RPS6KA5: variants seen among roughly 807,000 people sequenced by gnomAD.
RPS6KA5 encodes ribosomal protein S6 kinase A5.
In RPS6KA5, 27 loss-of-function variants were observed where a neutral mutation model predicts 85.5. The observed-to-expected ratio is 0.32, with a 90% CI of 0.23 to 0.44. The LOEUF (loss-of-function observed/expected upper bound fraction) is 0.44. RPS6KA5 is among the 20% of genes least tolerant of loss of function. RPS6KA5 has a pLI of 1.00. For synonymous variants in RPS6KA5, 334 were observed against 348.2 expected (o/e 0.96, Z 0.46); for missense variants, 811 against 980.9 (o/e 0.83, Z 2.31).
At chr14:90,882,516 G>A (rs2033906521) in intron 14 of RPS6KA5, among the ~76,000 whole-genome samples, 1 of 152,024 alleles carries the variant, frequency 6.6e-6, no homozygotes. Flanking sequence ...GTCCTTTCTT[G>A]TCAGCCTGCA....
At chr14:90,966,190 G>C (rs923091534) in intron 3 of RPS6KA5, among the ~76,000 whole-genome samples, 3 of 152,340 alleles carry the variant, frequency 2.0e-5, no homozygotes, top group African/African-American at 7.2e-5. Context: ...CTACAGAATT[G>C]AGGGAAGTGG....
chr14:90,931,603 T>C (rs1406878584), intron 5 of RPS6KA5, among the ~76,000 whole-genome samples: 2 of 152,118 alleles, frequency 1.3e-5, no homozygotes, highest in Admixed American at 6.5e-5. Context: ...TATTAAAATG[T>C]TAAATGGCAA....
Position 90,885,295 on chromosome 14 carries a change from G to A in RPS6KA5, c.1836+5192C>T, listed in dbSNP as rs559342562. ...GTGCTGGGCACGGTGGCTCACACCT[G>A]TAATCCCAGCACTTTGGGAGGCTGA... On this transcript the variant is annotated intron_variant, in intron 14 of 16. Coordinates refer to ENST00000614987, the MANE Select transcript of RPS6KA5 (RefSeq NM_004755.4). Among the ~76,000 whole-genome samples the A allele has an allele frequency of 5.3e-4, 79 of 150,118 alleles. 1 individual carries two copies. Among genetic ancestry groups the A allele is most frequent in the Middle Eastern group, 3.4e-3 (1 of 290 alleles).
At chr14:90,926,664 A>AGTGTGTGT (rs59637202) in intron 5 of RPS6KA5, among the ~76,000 whole-genome samples, 2,169 of 143,290 alleles carry the variant, frequency 0.015, 45 homozygotes, top group African/African-American at 0.048. Flanking sequence ...TATATATTTA[A>AGTGTGTGT]GTGTGTGTGT....
Position 90,974,108 on chromosome 14 carries a change from A to T in RPS6KA5, c.394+4198T>A, listed in dbSNP as rs75618586. On this transcript the variant is annotated intron_variant, in intron 3 of 16. Coordinates refer to ENST00000614987, the MANE Select transcript of RPS6KA5 (RefSeq NM_004755.4). ...TATTTTCACTTCTAGGAGAAAAAATATAACCTTATGATGAAGGGATCAGGC... is the reference window on the plus strand; with the variant it reads ...TATTTTCACTTCTAGGAGAAAAAATTTAACCTTATGATGAAGGGATCAGGC... Among the ~76,000 whole-genome samples, 600 of 152,126 alleles carry T rather than the reference A, an allele frequency of 3.9e-3. 3 individuals are homozygous for T. Among genetic ancestry groups the T allele is most frequent in the African/African-American group, 0.014 (568 of 41,506 alleles).
At chr14:91,053,974 T>C (rs2043201190) in intron 1 of RPS6KA5, among the ~76,000 whole-genome samples, 1 of 152,250 alleles carries the variant, frequency 6.6e-6, no homozygotes, top group Non-Finnish European at 1.5e-5. Context: ...AGCATGGTAC[T>C]GCTATAAGGA....
At chr14:90,959,447 CA>C (rs750456253) in intron 3 of RPS6KA5, among the ~76,000 whole-genome samples, 2 of 152,122 alleles carry the variant, frequency 1.3e-5, no homozygotes, top group Non-Finnish European at 2.9e-5. Context: ...GGTAATAATG[CA>C]AGAGATGACT....
rs1342976842 is a variant in RPS6KA5 at position 90,854,494 on chromosome 14, C to A, written c.*17580G>T. The A allele has an allele frequency of 6.6e-6, 1 of 152,048 alleles. No individual in the cohort carries two copies. Among genetic ancestry groups the A allele is most frequent in the Non-Finnish European group, 1.5e-5 (1 of 67,996 alleles). 9.4% of individuals were successfully genotyped at this position (152,048 alleles called of 1,614,324 possible). The stretch of plus-strand genomic sequence containing the variant: ...GAATTTTTAAAGACTTGCGATTTTG[C>A]TAAATGTATCATCATTAGAAAAAGT... On this transcript the variant is annotated 3_prime_UTR_variant, in exon 17 of 17. Transcript: ENST00000614987.
intron 2 of RPS6KA5, among the ~76,000 whole-genome samples, chr14:91,000,834 C>T (rs151268870): frequency 3.9e-4 from 59 of 152,180 alleles, no homozygotes; most frequent in African/African-American, 1.3e-3. Flanking sequence ...ATATTGTGTC[C>T]TGTGTAAAGG....
chr14:91,015,832 T>C (rs1165214248), intron 1 of RPS6KA5, among the ~76,000 whole-genome samples: 2 of 152,226 alleles, frequency 1.3e-5, no homozygotes, highest in East Asian at 1.9e-4. Context: ...TTTAAAAAAA[T>C]GTTAACTCAG....
rs138714446 is a variant in RPS6KA5, at chr14:91,014,372, T to A, written c.104-13213A>T. Among the ~76,000 whole-genome samples, 294 of 151,466 alleles carry A rather than the reference T, an allele frequency of 1.9e-3. 1 individual carries two copies. The highest frequency in any genetic ancestry group is 6.7e-3 in the African/African-American group (276 of 41,282). The stretch of plus-strand genomic sequence containing the variant: ...CAAAAATTAGCTGGGCATGGTGGCG[T>A]GCACCTGTAGTCCCAGCTACTCGGG... On this transcript the variant is annotated intron_variant, in intron 1 of 16. Coordinates refer to ENST00000614987, the MANE Select transcript of RPS6KA5 (RefSeq NM_004755.4).
chr14:90,997,129 T>C (rs1170784989), intron 2 of RPS6KA5, among the ~76,000 whole-genome samples: 3 of 152,206 alleles, frequency 2.0e-5, no homozygotes, highest in Non-Finnish European at 1.5e-5. Flanking sequence ...ACCTAACCTG[T>C]AGTAAAAAAG....
At chr14:91,058,453 T>TG in intron 1 of RPS6KA5, among the ~76,000 whole-genome samples, 1 of 152,346 alleles carries the variant, frequency 6.6e-6, no homozygotes, top group Admixed American at 6.5e-5. Context: ...GGTTGCTCCT[T>TG]GGTCATTTAG....
intron 5 of RPS6KA5, among the ~76,000 whole-genome samples, chr14:90,929,374 A>G (rs541694277): frequency 6.6e-6 from 1 of 152,246 alleles, no homozygotes; most frequent in South Asian, 2.1e-4. Flanking sequence ...TAATGTAGTC[A>G]TCTATACAAA....
At chr14:90,903,125 A>C (rs562069210) in intron 8 of RPS6KA5, among the ~76,000 whole-genome samples, 156 bp from the exon 9 acceptor site, 8 of 152,310 alleles carry the variant, frequency 5.3e-5, no homozygotes, top group African/African-American at 1.9e-4. Flanking sequence ...TTTTCTCCAA[A>C]CAAGATCACA....
intron 5 of RPS6KA5, among the ~76,000 whole-genome samples, chr14:90,928,467 T>C (rs2036799029): frequency 6.6e-6 from 1 of 151,760 alleles, no homozygotes; most frequent in African/African-American, 2.4e-5. Context: ...CTCTTTCTTA[T>C]AAAAGACTAA....
chr14:90,903,792 C>T (rs1461585894), intron 8 of RPS6KA5, among the ~76,000 whole-genome samples: 2 of 152,082 alleles, frequency 1.3e-5, no homozygotes, highest in Non-Finnish European at 2.9e-5. Flanking sequence ...GTAAGATACA[C>T]AATTATTTTA....
intron 2 of RPS6KA5, among the ~76,000 whole-genome samples, chr14:90,983,835 C>CTCTCTG (rs1566826183): frequency 2.2e-5 from 3 of 139,500 alleles, no homozygotes; most frequent in South Asian, 2.4e-4. Context: ...CTCTCTCTCT[C>CTCTCTG]TCTCTTTCTT....
At chr14:90,986,717 A>C (rs1174412606) in intron 2 of RPS6KA5, among the ~76,000 whole-genome samples, 1 of 152,142 alleles carries the variant, frequency 6.6e-6, no homozygotes, top group Non-Finnish European at 1.5e-5. Flanking sequence ...CACACCTGGA[A>C]GGTTACATGC....
Sources: allele counts gnomAD v4.1 joint callset (sites outside exome capture counted in the v4.1 genomes callset), GRCh38; gene constraint gnomAD v4.1.1; transcripts MANE v1.5; gene names NCBI Gene and HGNC (gene_info 2026-07-23, HGNC 2026-07-21).